The following GNB1 variants were observed in gnomAD, a reference collection of about 807,000 sequenced individuals.
GNB1 encodes the protein G protein subunit beta 1.
A neutral mutation model predicts 42.9 loss-of-function variants in GNB1; 2 were observed. The observed-to-expected ratio is 0.05, with a 90% CI of 0.02 to 0.15. The LOEUF is 0.15. GNB1 is among the 10% of genes least tolerant of loss of function. The probability of loss-of-function intolerance (pLI) is 1.00; values close to 1 mark genes in which losing one functional copy is unlikely to be tolerated. For synonymous variants in GNB1, 183 were observed against 174.7 expected (o/e 1.05, Z -0.38); for missense variants, 193 against 462.2 (o/e 0.42, Z 5.34).
intron 9 of GNB1, among the ~76,000 whole-genome samples, chr1:1,789,633 T>G (rs1454085794): frequency 2.1e-5 from 3 of 144,638 alleles, no homozygotes; most frequent in Non-Finnish European, 4.5e-5. Context: ...CGGCGGAGGC[T>G]GCGGTGAGCC....
chr1:1,879,492 A>G lies in GNB1; in HGVS notation c.-96+11328T>C, dbSNP rs143698344. ...GAGGCCGAGGCGGGCAGATCACGAG[A>G]TCAGGCGATCGAGAGCATCCTGCCT... On this transcript the variant is annotated intron_variant, in intron 1 of 11. Coordinates refer to ENST00000378609, the MANE Select transcript of GNB1 (RefSeq NM_002074.5). Among the ~76,000 whole-genome samples the G allele has an allele frequency of 8.4e-3, 1,279 of 152,152 alleles. 22 individuals carry two copies. Among genetic ancestry groups the G allele is most frequent in the African/African-American group, 0.03 (1,227 of 41,512 alleles).
At chr1:1,800,217 G>A (rs1453669780) in intron 7 of GNB1, among the ~76,000 whole-genome samples, 2 of 152,204 alleles carry the variant, frequency 1.3e-5, no homozygotes, top group African/African-American at 2.4e-5. Context: ...TCAGGAAGAT[G>A]AGATGCTGGG....
chr1:1,854,534 A>C (rs1198120637), intron 1 of GNB1, among the ~76,000 whole-genome samples: 1 of 152,230 alleles, frequency 6.6e-6, no homozygotes, highest in Non-Finnish European at 1.5e-5. Flanking sequence ...CAGCAGATAC[A>C]CAGCAAGAGG....
intron 2 of GNB1, 67 bp from the exon 3 acceptor site, chr1:1,825,566 A>T: frequency 1.1e-6 from 1 of 898,502 alleles, no homozygotes; most frequent in Non-Finnish European, 1.9e-6. Context: ...AGGTGAGAAA[A>T]GTAAATTGAA....
At chr1:1,875,749 G>C (rs1570750163) in intron 1 of GNB1, among the ~76,000 whole-genome samples, 1 of 152,262 alleles carries the variant, frequency 6.6e-6, no homozygotes, top group South Asian at 2.1e-4. Flanking sequence ...CTGGCCACAA[G>C]GGGAATGGGA....
chr1:1,808,628 T>A (rs1180684848), intron 5 of GNB1, among the ~76,000 whole-genome samples: 1 of 144,694 alleles, frequency 6.9e-6, no homozygotes, highest in Non-Finnish European at 1.5e-5. Context: ...ACGCAAGGTT[T>A]TTTGTTTGTT....
chr1:1,788,936 G>A lies in GNB1; in HGVS notation c.916+117C>T, dbSNP rs993488374. ...AGTTTGCGACTGTCACTCCTGCTACGCCATGCCACAGTCCCACCGATACTA... is the reference window on the plus strand; with the variant it reads ...AGTTTGCGACTGTCACTCCTGCTACACCATGCCACAGTCCCACCGATACTA... On this transcript the variant is annotated intron_variant, in intron 10 of 11. Coordinates refer to ENST00000378609, the MANE Select transcript of GNB1 (RefSeq NM_002074.5). The A allele has an allele frequency of 4.2e-5, 31 of 735,418 alleles. No homozygotes were observed. In the East Asian group the frequency reaches 5.6e-4, roughly 13 times the overall value. 45.6% of individuals were successfully genotyped at this position (735,418 alleles called of 1,614,324 possible).
chr1:1,787,167 C>G lies in GNB1; in HGVS notation c.*10-114G>C. On this transcript the variant is annotated intron_variant, in intron 11 of 11. Transcript: ENST00000378609. This position sits in a 1 kb window ranked among gnomAD's most constrained non-coding sequence, Gnocchi z 4.4. ...GCATGAGTGTCTGCAGCTGAGGGCA[C>G]GTGACTTCAGCTTTCTGTAAACGTT... The G allele has an allele frequency of 1.8e-6, 1 of 561,030 alleles. No individual in the cohort carries two copies. Among genetic ancestry groups the G allele is most frequent in the Non-Finnish European group, 3.2e-6 (1 of 310,834 alleles). 34.8% of individuals were successfully genotyped at this position (561,030 alleles called of 1,614,324 possible). A position where few individuals can be genotyped will look rare whatever the true frequency, so the allele number is the denominator to read the frequency against.
chr1:1,866,089 C>A (rs991589140), intron 1 of GNB1, among the ~76,000 whole-genome samples: 1 of 152,130 alleles, frequency 6.6e-6, no homozygotes, highest in African/African-American at 2.4e-5. Flanking sequence ...CAGGCATGCA[C>A]CACCACGGCC....
chr1:1,856,023 T>C (rs528893514), intron 1 of GNB1, among the ~76,000 whole-genome samples: 7 of 152,252 alleles, frequency 4.6e-5, no homozygotes, highest in African/African-American at 1.4e-4. Flanking sequence ...TCAATGGACT[T>C]TCTTCTTCTT....
intron 2 of GNB1, among the ~76,000 whole-genome samples, chr1:1,837,321 C>A (rs1192648663): frequency 6.8e-6 from 1 of 146,202 alleles, no homozygotes; most frequent in Non-Finnish European, 1.5e-5. Flanking sequence ...GTAGCGTGAT[C>A]TTGGCTCACT....
chr1:1,852,373 C>T (rs1365706689), intron 1 of GNB1, among the ~76,000 whole-genome samples: 4 of 151,994 alleles, frequency 2.6e-5, no homozygotes, highest in Non-Finnish European at 4.4e-5. Context: ...GGACTATAGA[C>T]GCCCGCCACC....
intron 2 of GNB1, among the ~76,000 whole-genome samples, chr1:1,828,728 C>T (rs1371173925): frequency 6.6e-6 from 1 of 152,094 alleles, no homozygotes; most frequent in Non-Finnish European, 1.5e-5. Flanking sequence ...AGACTCAAAA[C>T]CTACGTTTGT....
chr1:1,845,381 A>G (rs199841339), intron 1 of GNB1, among the ~76,000 whole-genome samples: 128 of 152,108 alleles, frequency 8.4e-4, no homozygotes, highest in East Asian at 1.4e-3. Context: ...AGACCATCCT[A>G]GCTAACTCAG....
At chr1:1,857,308 C>T (rs187954881) in intron 1 of GNB1, among the ~76,000 whole-genome samples, 1 of 152,202 alleles carries the variant, frequency 6.6e-6, no homozygotes, top group East Asian at 1.9e-4. Flanking sequence ...GCTCTTGGGG[C>T]TGGCTGGCTC....
At chr1:1,864,735 G>C (rs1372698143) in intron 1 of GNB1, among the ~76,000 whole-genome samples, 1 of 152,162 alleles carries the variant, frequency 6.6e-6, no homozygotes, top group East Asian at 1.9e-4. Context: ...TCTTCGTTCT[G>C]CAATTTATAA....
chr1:1,813,719 G>A (rs1422829758), intron 5 of GNB1, among the ~76,000 whole-genome samples: 3 of 152,152 alleles, frequency 2.0e-5, no homozygotes, highest in East Asian at 1.9e-4. Context: ...TTGAACTCCT[G>A]GGCTCAAGCC....
chr1:1,828,811 T>C (rs1261284268), intron 2 of GNB1, among the ~76,000 whole-genome samples: 1 of 152,012 alleles, frequency 6.6e-6, no homozygotes, highest in Non-Finnish European at 1.5e-5. Flanking sequence ...GGAGGTCAAG[T>C]CGGGAGGACT....
chr1:1,869,714 A>G (rs1649143453), intron 1 of GNB1, among the ~76,000 whole-genome samples: 1 of 152,156 alleles, frequency 6.6e-6, no homozygotes, highest in South Asian at 2.1e-4. Context: ...CCCAACCCCG[A>G]AAGAAAGTCT....
Sources: allele counts gnomAD v4.1 joint callset (sites outside exome capture counted in the v4.1 genomes callset), GRCh38; gene constraint gnomAD v4.1.1; non-coding constraint Gnocchi (gnomAD v3.1); transcripts MANE v1.5; gene names NCBI Gene and HGNC (gene_info 2026-07-23, HGNC 2026-07-21).